Variants in IL10RA observed in about 807,000 individuals in gnomAD.
IL10RA encodes the protein interleukin 10 receptor subunit alpha.
In IL10RA, 18 loss-of-function variants were observed where a neutral mutation model predicts 29.6. That is an observed-to-expected ratio of 0.61 (90% CI 0.42 to 0.90). The LOEUF is 0.90. IL10RA is among the 40% of genes least tolerant of loss of function. IL10RA has a pLI of 0.00. For synonymous variants in IL10RA, 292 were observed against 294.1 expected (o/e 0.99, Z 0.07); for missense variants, 634 against 716.6 (o/e 0.88, Z 1.32).
intron 1 of IL10RA, 45 bp downstream of exon 1, chr11:117,986,579 G>C (rs757071429): frequency 2.2e-4 from 338 of 1,548,398 alleles, no homozygotes; most frequent in Non-Finnish European, 2.8e-4. Flanking sequence ...CCCTCTCCGC[G>C]CCCGCTCCAT....
chr11:118,001,630 AG>A, downstream of IL10RA: 1 of 353,784 alleles, frequency 2.8e-6, no homozygotes, highest in South Asian at 2.2e-5. Context: ...TGACAGACCC[AG>A]GGAGTCCTCA....
Position 117,989,292 on chromosome 11 carries a change from A to G in IL10RA, c.189-150A>G, listed in dbSNP as rs2058007266. Reference sequence around the variant, plus strand: ...CCAAGACCAAGGGAGACCCCTCACAATGAGCTGCCGTGGACTAGAGGATAT... The same window carrying G: ...CCAAGACCAAGGGAGACCCCTCACAGTGAGCTGCCGTGGACTAGAGGATAT... On this transcript the variant is annotated intron_variant, in intron 2 of 6. Transcript: ENST00000227752. This position sits in a 1 kb window ranked among gnomAD's most constrained non-coding sequence, Gnocchi z 4.5. 1.3e-6 allele frequency: 1 copy of G among 755,224 alleles called. No homozygotes were observed. The highest frequency in any genetic ancestry group is 1.7e-5 in the African/African-American group (1 of 58,144). 46.8% of individuals were successfully genotyped at this position (755,224 alleles called of 1,614,324 possible).
Position 117,986,477 on chromosome 11 carries a change from T to G in IL10RA, c.10T>G (p.Cys4Gly). Residue 4 changes from cysteine to glycine, a missense_variant, in exon 1 of 7, where the codon TGC becomes GGC. Coordinates refer to ENST00000227752, the MANE Select transcript of IL10RA (RefSeq NM_001558.4). Reference protein sequence around the residue: MLPCLVVLLAALLS... With the variant: MLPGLVVLLAALLS... Reference sequence around the variant, plus strand: ...ATGCGGCGCGCCCAGGATGCTGCCGTGCCTCGTAGTGCTGCTGGCGGCGCT... The same window carrying G: ...ATGCGGCGCGCCCAGGATGCTGCCGGGCCTCGTAGTGCTGCTGGCGGCGCT... 6.4e-7 allele frequency: 1 copy of G among 1,555,228 alleles called. No homozygotes were observed.
intron 5 of IL10RA, 66 bp from the exon 6 acceptor site, chr11:117,995,523 G>A (rs895043586): frequency 5.0e-6 from 8 of 1,607,896 alleles, no homozygotes; most frequent in Non-Finnish European, 6.8e-6. Context: ...TGGGACCAGA[G>A]TCCTATGTCC....
In IL10RA at chr11:118,000,212, T is replaced by G. The variant is rs1414019680; in HGVS notation, c.*571T>G. On this transcript the variant is annotated 3_prime_UTR_variant, in exon 7 of 7. Transcript: ENST00000227752. ...GCAGGAAGCTTGTCACTGGAAGATC[T>G]TAAGGTATATATTTTCTGGACACTC... The G allele has an allele frequency of 8.8e-6, 4 of 454,046 alleles. No individual in the cohort carries two copies. Among genetic ancestry groups the G allele is most frequent in the Non-Finnish European group, 1.8e-5 (4 of 226,800 alleles). 28.1% of individuals were successfully genotyped at this position (454,046 alleles called of 1,614,324 possible). A position where few individuals can be genotyped will look rare whatever the true frequency, so the allele number is the denominator to read the frequency against.
chr11:117,990,271 G>A (rs1463490244), intron 3 of IL10RA, among the ~76,000 whole-genome samples: 27 of 152,124 alleles, frequency 1.8e-4, no homozygotes, highest in Non-Finnish European at 3.8e-4. Context: ...TTCCCAGCAA[G>A]TGTGTTTAAA....
intron 3 of IL10RA, among the ~76,000 whole-genome samples, chr11:117,992,748 G>A (rs538647140): frequency 5.9e-5 from 9 of 152,156 alleles, no homozygotes; most frequent in East Asian, 1.9e-4. Flanking sequence ...TTTAGGGATC[G>A]TATCCAAGAA....
intron 5 of IL10RA, chr11:117,995,311 G>C (rs1309310956): frequency 2.1e-6 from 1 of 484,496 alleles, no homozygotes; most frequent in South Asian, 2.0e-5. Flanking sequence ...GTACCATCCT[G>C]CCTCACTGTT....
At chr11:117,994,526 C>T (rs1396167416) in intron 5 of IL10RA, among the ~76,000 whole-genome samples, 2 of 152,154 alleles carry the variant, frequency 1.3e-5, no homozygotes, top group African/African-American at 4.8e-5. Flanking sequence ...GCCAGGGATA[C>T]AAAGGGCTTC....
chr11:117,992,742 G>A (rs2058031195), intron 3 of IL10RA, among the ~76,000 whole-genome samples: 1 of 152,146 alleles, frequency 6.6e-6, no homozygotes, highest in Non-Finnish European at 1.5e-5. Context: ...CTGTGCTTTA[G>A]GGATCGTATC....
Position 118,000,801 on chromosome 11 carries a change from G to C in IL10RA, c.*1160G>C, listed in dbSNP as rs2058090833. On this transcript the variant is annotated 3_prime_UTR_variant, in exon 7 of 7. Coordinates refer to ENST00000227752, the MANE Select transcript of IL10RA (RefSeq NM_001558.4). ...GCAGATACTGTCCGTGGACTACCAA[G>C]CTGGCTTGTTTCTTATGCCAGAGGC... is the stretch of plus-strand genomic sequence containing the variant. The C allele has an allele frequency of 2.2e-6, 1 of 454,164 alleles. No homozygotes were observed. Among genetic ancestry groups the C allele is most frequent in the Admixed American group, 2.3e-5 (1 of 42,566 alleles). The allele number at this position is 454,164 out of a possible 1,614,324, so 28.1% of individuals were successfully genotyped here.
Position 117,988,491 on chromosome 11 carries a change from G to A in IL10RA, c.177G>A (p.Val59=), listed in dbSNP as rs965799165. Reference sequence around the variant, plus strand: ...AGTCTGAAAGTACCTGCTATGAAGTGGCGCTCCTGAGGTGAGGAAAAGGGA... The same window carrying A: ...AGTCTGAAAGTACCTGCTATGAAGTAGCGCTCCTGAGGTGAGGAAAAGGGA... ...PNQSESTCYE[V]ALLRYGIESW... The change falls in exon 2 of 7, where the codon GTG becomes GTA. Residue 59 remains valine (V), a synonymous_variant. Coordinates refer to ENST00000227752, the MANE Select transcript of IL10RA (RefSeq NM_001558.4). 4 of 1,613,998 alleles carry A rather than the reference G, an allele frequency of 2.5e-6. No individual in the cohort carries two copies. The highest frequency in any genetic ancestry group is 2.7e-5 in the African/African-American group (2 of 74,910).
downstream of IL10RA, chr11:118,002,125 A>G (rs1274293843): frequency 6.6e-6 from 1 of 152,442 alleles, no homozygotes; most frequent in Admixed American, 6.5e-5. Context: ...TCTGCACTCT[A>G]TTCTAGAAGC....
chr11:117,994,709 T>C (rs2058045588), intron 5 of IL10RA, among the ~76,000 whole-genome samples: 1 of 152,126 alleles, frequency 6.6e-6, no homozygotes. Flanking sequence ...AGATAGAGTG[T>C]GCACAGAGGA....
At chr11:117,987,104 C>T (rs1193419189) in intron 1 of IL10RA, 11 of 346,082 alleles carry the variant, frequency 3.2e-5, no homozygotes, top group South Asian at 2.0e-4. Flanking sequence ...GACAGTTCTC[C>T]GGCAAGGTTT....
Position 117,989,745 on chromosome 11 carries a change from T to A in IL10RA, c.367+125T>A. 2.0e-6 allele frequency: 2 copies of A among 991,848 alleles called. No individual in the cohort carries two copies. Among genetic ancestry groups the A allele is most frequent in the Non-Finnish European group, 1.5e-6 (1 of 648,500 alleles). 61.4% of individuals were successfully genotyped at this position (991,848 alleles called of 1,614,324 possible). ...CTGCCAGCCTCCCTGGCCGGAGAAC[T>A]AGTTGCCCAAACAGGGCAGGACTTT... On this transcript the variant is annotated intron_variant, in intron 3 of 6. Coordinates refer to ENST00000227752, the MANE Select transcript of IL10RA (RefSeq NM_001558.4). This position sits in a 1 kb window ranked among gnomAD's most constrained non-coding sequence, Gnocchi z 4.5.
chr11:117,998,976 G>C lies in IL10RA; in HGVS notation c.1072G>C (p.Asp358His). 3 of 1,613,654 alleles carry C rather than the reference G, an allele frequency of 1.9e-6. No homozygotes were observed. Among genetic ancestry groups the C allele is most frequent in the Non-Finnish European group, 2.5e-6 (3 of 1,179,670 alleles). Residue 358 changes from aspartate (D) to histidine (H), a missense_variant, in exon 7 of 7, where the codon GAC becomes CAC. By Grantham distance (81) the Asp-to-His change is moderately conservative. Transcript: ENST00000227752. ...LGNREPPVLG[D>H]SCSSGSSNST... is the part of the protein sequence containing the mutation. ...AAACAGGGAGCCCCCTGTGCTGGGG[G>C]ACAGCTGCAGTAGTGGCAGCAGCAA...
intron 6 of IL10RA, 119 bp downstream of exon 6, chr11:117,995,829 C>A (rs967511821): frequency 7.4e-6 from 8 of 1,084,356 alleles, no homozygotes; most frequent in East Asian, 2.6e-5. Flanking sequence ...CTGCTCTCAG[C>A]CCTGATGTGA....
rs2134989438 is a variant in IL10RA at position 117,994,162 on chromosome 11, G to A, written c.688+13G>A. 1 of 1,613,078 alleles carries A rather than the reference G, an allele frequency of 6.2e-7. No individual in the cohort carries two copies. Among genetic ancestry groups the A allele is most frequent in the Non-Finnish European group, 8.5e-7 (1 of 1,179,376 alleles). ...CTCACCAGGCAGTGTGAGTCAGCTGGGCTGCTCTCAGCATGGGGAGGGAGA... is the reference window on the plus strand; with the variant it reads ...CTCACCAGGCAGTGTGAGTCAGCTGAGCTGCTCTCAGCATGGGGAGGGAGA... On this transcript the variant is annotated intron_variant, in intron 5 of 6. Transcript: ENST00000227752.
Sources: allele counts gnomAD v4.1 joint callset (sites outside exome capture counted in the v4.1 genomes callset), GRCh38; gene constraint gnomAD v4.1.1; non-coding constraint Gnocchi (gnomAD v3.1); transcripts MANE v1.5; gene names NCBI Gene and HGNC (gene_info 2026-07-23, HGNC 2026-07-21).